MKNK1: variants seen among roughly 807,000 people sequenced by gnomAD.
The protein encoded by MKNK1 is MAPK interacting serine/threonine kinase 1, also known as MAP kinase-interacting serine/threonine-protein kinase 1.
A neutral mutation model predicts 49.3 loss-of-function variants in MKNK1; 30 were observed. The ratio of observed to expected loss-of-function variants is 0.61; its 90% CI spans 0.46 to 0.83. The LOEUF (loss-of-function observed/expected upper bound fraction) is 0.83. Among genes scored for constraint, MKNK1 ranks in the 40% least tolerant of loss-of-function variants. The probability of loss-of-function intolerance (pLI) is 0.00; values close to 1 mark genes in which losing one functional copy is unlikely to be tolerated. For missense variants in MKNK1, 423 were observed against 524.7 expected (o/e 0.81, Z 1.89); for synonymous variants, 176 against 201.7 (o/e 0.87, Z 1.08).
At chr1:46,577,242 G>C (rs1230112274) in intron 4 of MKNK1, among the ~76,000 whole-genome samples, 1 of 152,192 alleles carries the variant, frequency 6.6e-6, no homozygotes, top group Non-Finnish European at 1.5e-5. Context: ...ACTTCTGGAG[G>C]CTGAGGTGGG....
intron 8 of MKNK1, among the ~76,000 whole-genome samples, chr1:46,566,971 T>C (rs987446511): frequency 1.3e-5 from 2 of 152,240 alleles, no homozygotes; most frequent in Admixed American, 6.5e-5. Context: ...CCTTTGAAAC[T>C]TAACCTCTCT....
At chr1:46,578,074 C>T (rs559252345) in intron 4 of MKNK1, among the ~76,000 whole-genome samples, 24 of 152,346 alleles carry the variant, frequency 1.6e-4, no homozygotes, top group African/African-American at 5.5e-4. Context: ...AGTGATTCAA[C>T]TTCATTCCCC....
intron 7 of MKNK1, chr1:46,569,401 G>A (rs1192794341): frequency 6.6e-6 from 1 of 152,304 alleles, no homozygotes; most frequent in Non-Finnish European, 1.5e-5. Context: ...CTGGGTCATG[G>A]TGTTTTGGTG....
chr1:46,572,260 C>A (rs780381507), intron 6 of MKNK1, 93 bp from the exon 7 acceptor site: 207 of 1,067,872 alleles, frequency 1.9e-4, no homozygotes, highest in Middle Eastern at 4.2e-4. Context: ...GTTACCCAGG[C>A]TGGAGAGTAG....
chr1:46,561,462 C>T lies in MKNK1; in HGVS notation c.969+16G>A. On this transcript the variant is annotated intron_variant, in intron 11 of 12. Transcript: ENST00000371945. ...GCCTGAAGTGGTGGAAAACACCCCT[C>T]CCTGGAGTCACTCACCCCCTGCACC... The T allele has an allele frequency of 6.3e-7, 1 of 1,597,322 alleles. No individual in the cohort carries two copies. Among genetic ancestry groups the T allele is most frequent in the South Asian group, 1.1e-5 (1 of 89,072 alleles).
intron 2 of MKNK1, 57 bp from the exon 3 acceptor site, chr1:46,583,386 TTACC>T: frequency 7.2e-7 from 1 of 1,384,276 alleles, no homozygotes; most frequent in African/African-American, 1.5e-5. Flanking sequence ...AGCTGTAAAT[TTACC>T]CAGAAGGAAA....
At chr1:46,588,768 A>G (rs1672949657) in intron 2 of MKNK1, among the ~76,000 whole-genome samples, 1 of 151,282 alleles carries the variant, frequency 6.6e-6, no homozygotes, top group Non-Finnish European at 1.5e-5. Flanking sequence ...AGATCGCGCC[A>G]CTGCACTCCA....
At chr1:46,581,376 G>A (rs920493468) in intron 3 of MKNK1, among the ~76,000 whole-genome samples, 55 of 152,078 alleles carry the variant, frequency 3.6e-4, no homozygotes, top group African/African-American at 1.3e-3. Flanking sequence ...TGGGTGTGGT[G>A]GCACGCGCCT....
chr1:46,576,309 C>T (rs1670947599), intron 5 of MKNK1: 1 of 357,598 alleles, frequency 2.8e-6, no homozygotes, highest in Non-Finnish European at 5.1e-6. Context: ...CATTTCCCCC[C>T]AACAACCACT....
intron 9 of MKNK1, 96 bp downstream of exon 9, chr1:46,564,945 C>T: frequency 8.4e-7 from 1 of 1,194,198 alleles, no homozygotes; most frequent in Non-Finnish European, 1.2e-6. Flanking sequence ...GATAGGTCCA[C>T]TTGGTTTTCC....
At chr1:46,562,070 C>T (rs1485888819) in intron 10 of MKNK1, among the ~76,000 whole-genome samples, 1 of 152,150 alleles carries the variant, frequency 6.6e-6, no homozygotes, top group Non-Finnish European at 1.5e-5. Context: ...TGATTCTTGT[C>T]CCTCTTCCGC....
At chr1:46,564,466 GTTTTTTTTTTTTTTTT>G (rs568296534) in intron 9 of MKNK1, among the ~76,000 whole-genome samples, 1 of 70,184 alleles carries the variant, frequency 1.4e-5, no homozygotes, top group Non-Finnish European at 2.4e-5. Context: ...TTTTTTTATT[GTTTTTTTTTTTTTTTT>G]TTTTTTTTTT....
chr1:46,561,755 GC>G (rs1668019871), intron 10 of MKNK1, 113 bp from the exon 11 acceptor site: 1 of 1,202,806 alleles, frequency 8.3e-7, no homozygotes, highest in African/African-American at 1.5e-5. Flanking sequence ...GCAGCTCATG[GC>G]TTGGGGATGC....
At chr1:46,583,430 G>T in intron 2 of MKNK1, 101 bp from the exon 3 acceptor site, 1 of 788,994 alleles carries the variant, frequency 1.3e-6, no homozygotes, top group Non-Finnish European at 2.0e-6. Flanking sequence ...GGACCCAGGA[G>T]GTTTACACTG....
At chr1:46,559,137 T>C (rs1667482023) in intron 12 of MKNK1, among the ~76,000 whole-genome samples, 2 of 152,120 alleles carry the variant, frequency 1.3e-5, no homozygotes, top group African/African-American at 4.8e-5. Flanking sequence ...TCCCTCCCTC[T>C]CCCAGCCTGC....
Position 46,558,338 on chromosome 1 carries a change from G to T in MKNK1, c.*237C>A, listed in dbSNP as rs1169075669. Reference sequence around the variant, plus strand: ...AGATGTTCCTGCTGCAGGCAATTATGCAAAGTGAGAAGTGATTGCTTTCCT... The same window carrying T: ...AGATGTTCCTGCTGCAGGCAATTATTCAAAGTGAGAAGTGATTGCTTTCCT... On this transcript the variant is annotated 3_prime_UTR_variant, in exon 13 of 13. Transcript: ENST00000371945. 3.8e-6 allele frequency: 2 copies of T among 525,602 alleles called. No homozygotes were observed. The highest frequency in any genetic ancestry group is 1.9e-5 in the African/African-American group (1 of 52,022). The allele number at this position is 525,602 out of a possible 1,614,324, so 32.6% of individuals were successfully genotyped here.
chr1:46,582,677 C>T, intron 3 of MKNK1: 5 of 358,498 alleles, frequency 1.4e-5, no homozygotes, highest in South Asian at 1.0e-4. Flanking sequence ...GAGCCTAGTG[C>T]CTCGCACACA....
intron 2 of MKNK1, among the ~76,000 whole-genome samples, 155 bp from the exon 3 acceptor site, chr1:46,583,484 T>C (rs752217561): frequency 4.6e-5 from 7 of 151,940 alleles, no homozygotes; most frequent in Non-Finnish European, 1.0e-4. Context: ...TGTTTTGACC[T>C]AGGAGGAAAA....
chr1:46,603,746 T>C (rs1360505199), intron 1 of MKNK1, among the ~76,000 whole-genome samples: 1 of 152,228 alleles, frequency 6.6e-6, no homozygotes, highest in East Asian at 1.9e-4. Context: ...TCTTATTACC[T>C]TTCCCTGTGG....
Sources: allele counts gnomAD v4.1 joint callset (sites outside exome capture counted in the v4.1 genomes callset), GRCh38; gene constraint gnomAD v4.1.1; transcripts MANE v1.5; gene names NCBI Gene and HGNC (gene_info 2026-07-23, HGNC 2026-07-21).